Variants in SGCD observed in about 807,000 individuals in gnomAD.
SGCD encodes the protein delta-sarcoglycan.
Under a neutral mutation model 36.6 loss-of-function variants are expected in SGCD, and 18 were observed. The observed-to-expected ratio is 0.49, with a 90% CI of 0.34 to 0.73. The LOEUF is 0.73. Among genes scored for constraint, SGCD ranks in the 30% least tolerant of loss-of-function variants. The pLI is 0.01. For missense variants in SGCD, 387 were observed against 346.7 expected (o/e 1.12, Z -0.92); for synonymous variants, 133 against 130.6 (o/e 1.02, Z -0.12).
chr5:156,164,200 A>G (rs1454734153), intron 3 of SGCD, among the ~76,000 whole-genome samples: 2 of 151,438 alleles, frequency 1.3e-5, no homozygotes, highest in African/African-American at 4.9e-5. Context: ...TCACCCATAA[A>G]TGTAAATGTG....
In SGCD at chr5:155,996,504, G is replaced by A. The variant is rs370605964; in HGVS notation, c.-281-121374G>A. ...GAATATAAAAACCAAAGGGCCGGGC[G>A]CGGTGGCTCACGCCTGTGATCCCAG... is the stretch of plus-strand genomic sequence containing the variant. On this transcript the variant is annotated intron_variant, in intron 1 of 9. Coordinates refer to the SGCD transcript ENST00000517913. Among the ~76,000 whole-genome samples the A allele has an allele frequency of 2.2e-3, 332 of 152,264 alleles. 3 individuals are homozygous for A. The highest frequency in any genetic ancestry group is 7.6e-3 in the African/African-American group (316 of 41,570).
intron 4 of SGCD, among the ~76,000 whole-genome samples, chr5:156,512,884 CT>C (rs905042181): frequency 1.3e-5 from 2 of 151,376 alleles, no homozygotes; most frequent in African/African-American, 4.9e-5. Flanking sequence ...TTATAAAGAC[CT>C]TTTTTAAAAC....
rs996754394 is a variant in SGCD, at chr5:156,089,798, G to A, written c.-281-28080G>A. 5.3e-5 allele frequency among the ~76,000 whole-genome samples: 8 copies of A among 152,298 alleles called. No homozygotes were observed. The East Asian group carries it at 1.5e-3, about 29-fold the overall frequency. On this transcript the variant is annotated intron_variant, in intron 1 of 9. Transcript: ENST00000517913. Reference sequence around the variant, plus strand: ...GTCTTCTGGAGGTGTGGTCCCCTGAGGTAAGTCCATATTAGGTTGGCAAGA... The same window carrying A: ...GTCTTCTGGAGGTGTGGTCCCCTGAAGTAAGTCCATATTAGGTTGGCAAGA...
intron 1 of SGCD, among the ~76,000 whole-genome samples, chr5:155,876,735 C>T (rs1164156802): frequency 3.3e-5 from 5 of 152,110 alleles, no homozygotes; most frequent in African/African-American, 7.2e-5. Flanking sequence ...AATGGCATTT[C>T]GTTACTTGAT....
chr5:156,020,908 T>C (rs1759082060), intron 1 of SGCD, among the ~76,000 whole-genome samples: 1 of 152,226 alleles, frequency 6.6e-6, no homozygotes, highest in African/African-American at 2.4e-5. Context: ...TCGGCTGGCC[T>C]TCTGGAGATA....
At chr5:155,775,254 T>C in the SGCD span, among the ~76,000 whole-genome samples, 1 of 152,206 alleles carries the variant, frequency 6.6e-6, no homozygotes, top group African/African-American at 2.4e-5. Context: ...TTCCTGTTGT[T>C]TGTGTACATG....
At chr5:156,322,422 C>A (rs1767693891), upstream of SGCD, among the ~76,000 whole-genome samples, 1 of 152,116 alleles carries the variant, frequency 6.6e-6, no homozygotes, top group African/African-American at 2.4e-5. Flanking sequence ...GAGTAAGACA[C>A]AACCTGGGGA....
chr5:156,519,267 T>A (rs1757308474), intron 4 of SGCD, among the ~76,000 whole-genome samples: 1 of 151,746 alleles, frequency 6.6e-6, no homozygotes, highest in African/African-American at 2.4e-5. Context: ...CATACACCCT[T>A]CCCAGACTGA....
intron 3 of SGCD, among the ~76,000 whole-genome samples, chr5:156,188,683 C>CATA (rs1763822236): frequency 1.3e-5 from 1 of 79,704 alleles, no homozygotes; most frequent in African/African-American, 4.1e-5. Flanking sequence ...CCCCGACACA[C>CATA]ATACACACAA....
At chr5:156,607,710 C>G (rs993008223) in intron 6 of SGCD, among the ~76,000 whole-genome samples, 6 of 250 alleles carry the variant, frequency 0.024, no homozygotes, top group African/African-American at 0.062. Context: ...ATTAATTTTT[C>G]CCTCATTTCA....
chr5:156,141,573 A>G (rs1762582004), intron 3 of SGCD, among the ~76,000 whole-genome samples: 1 of 152,230 alleles, frequency 6.6e-6, no homozygotes, highest in South Asian at 2.1e-4. Flanking sequence ...TAAAAAGACA[A>G]ATCTGGTAGA....
In SGCD at chr5:156,458,267, T is replaced by C. The variant is rs1356238858; in HGVS notation, c.193-50334T>C. 3 of 652,496 alleles carry C rather than the reference T, an allele frequency of 4.6e-6. No individual in the cohort carries two copies. In the African/African-American group the frequency reaches 5.4e-5, roughly 12 times the overall value. The allele number at this position is 652,496 out of a possible 1,614,324, so 40.4% of individuals were successfully genotyped here. A position where few individuals can be genotyped will look rare whatever the true frequency, so the allele number is the denominator to read the frequency against. Reference sequence around the variant, plus strand: ...CCAAATACCAAGACAGGCATTTCAGTTAAATATTAGTCACTAAGAAAATGG... The same window carrying C: ...CCAAATACCAAGACAGGCATTTCAGCTAAATATTAGTCACTAAGAAAATGG... On this transcript the variant is annotated intron_variant, in intron 3 of 8. Coordinates refer to ENST00000337851, the MANE Select transcript of SGCD (RefSeq NM_000337.6).
chr5:156,218,025 G>A (rs1764617423), intron 3 of SGCD, among the ~76,000 whole-genome samples: 1 of 152,108 alleles, frequency 6.6e-6, no homozygotes, highest in South Asian at 2.1e-4. Context: ...TGTAATACCA[G>A]CACTTTGGGA....
chr5:156,078,579 T>TATATTTATATTTA (rs1760861708), intron 1 of SGCD, among the ~76,000 whole-genome samples: 1 of 136,702 alleles, frequency 7.3e-6, no homozygotes, highest in African/African-American at 2.9e-5. Flanking sequence ...ATATTTATAT[T>TATATTTATATTTA]TATATATATT....
chr5:156,032,054 G>GTATC (rs1759358711), intron 1 of SGCD, among the ~76,000 whole-genome samples: 1 of 151,942 alleles, frequency 6.6e-6, no homozygotes, highest in Middle Eastern at 3.2e-3. Flanking sequence ...ATATCAGTGT[G>GTATC]TATCTCTTCA....
chr5:156,283,770 T>C (rs979186165), intron 3 of SGCD, among the ~76,000 whole-genome samples: 3 of 152,174 alleles, frequency 2.0e-5, no homozygotes, highest in African/African-American at 7.2e-5. Flanking sequence ...CAAGAATTTT[T>C]AACCAATTCT....
At chr5:156,534,560 G>A (rs1023985297) in intron 4 of SGCD, among the ~76,000 whole-genome samples, 4 of 152,164 alleles carry the variant, frequency 2.6e-5, no homozygotes, top group African/African-American at 9.7e-5. Flanking sequence ...ATATGGAAAT[G>A]CTTTCCGTGG....
chr5:155,848,257 G>T, the SGCD span, among the ~76,000 whole-genome samples: 1 of 152,120 alleles, frequency 6.6e-6, no homozygotes, highest in African/African-American at 2.4e-5. Flanking sequence ...TGAGGGAATT[G>T]AGTGAGCCTT....
intron 3 of SGCD, among the ~76,000 whole-genome samples, chr5:156,125,521 G>C (rs763020384): frequency 6.6e-6 from 1 of 152,024 alleles, no homozygotes; most frequent in Admixed American, 6.6e-5. Flanking sequence ...CCGCTAGAAA[G>C]CTGCTGAGAT....
Sources: gnomAD v4.1 joint callset for allele counts (sites outside exome capture counted in the v4.1 genomes callset) on GRCh38, gnomAD v4.1.1 for gene constraint, MANE v1.5 for transcripts, NCBI Gene and HGNC (gene_info 2026-07-23, HGNC 2026-07-21) for gene names.